THEMIS: variants seen among roughly 807,000 people sequenced by gnomAD.
THEMIS encodes thymocyte selection associated.
THEMIS carries 37 observed loss-of-function variants against 52.6 expected under a neutral mutation model. The observed-to-expected ratio is 0.70, with a 90% CI of 0.54 to 0.93. The LOEUF is 0.93. Ranked by LOEUF, THEMIS falls within the 40% of genes least tolerant of loss-of-function variation. The probability of loss-of-function intolerance (pLI) is 0.00; values close to 1 mark genes in which losing one functional copy is unlikely to be tolerated. For synonymous variants in THEMIS, 292 were observed against 272.7 expected (o/e 1.07, Z -0.70); for missense variants, 808 against 763.1 (o/e 1.06, Z -0.69).
chr6:127,784,205 G>A (rs747574050), intron 4 of THEMIS, among the ~76,000 whole-genome samples: 1 of 152,122 alleles, frequency 6.6e-6, no homozygotes, highest in Non-Finnish European at 1.5e-5. Context: ...ATGGACAGAC[G>A]GAGGGGAACA....
At chr6:127,864,293 T>C (rs1287569806) in intron 1 of THEMIS, among the ~76,000 whole-genome samples, 3 of 152,124 alleles carry the variant, frequency 2.0e-5, no homozygotes, top group South Asian at 4.2e-4. Flanking sequence ...TAAAGCATAC[T>C]GTGTTTTACT....
chr6:127,878,172 G>A (rs554828446), intron 1 of THEMIS, among the ~76,000 whole-genome samples: 1 of 152,116 alleles, frequency 6.6e-6, no homozygotes, highest in Non-Finnish European at 1.5e-5. Flanking sequence ...TTCATTAGTT[G>A]CAAATATAAC....
intron 4 of THEMIS, among the ~76,000 whole-genome samples, chr6:127,735,335 GTC>G (rs1195457331): frequency 6.6e-6 from 1 of 151,962 alleles, no homozygotes; most frequent in African/African-American, 2.4e-5. Flanking sequence ...GTGTGTGTGT[GTC>G]TGTGTGTGTA....
intron 1 of THEMIS, chr6:127,868,403 G>A: frequency 2.0e-6 from 2 of 984,076 alleles, no homozygotes; most frequent in Non-Finnish European, 2.4e-6. Context: ...ATATTTCTGA[G>A]GAAAAGAAAA....
intron 1 of THEMIS, among the ~76,000 whole-genome samples, chr6:127,872,003 TAAAC>T (rs1349247710): frequency 3.3e-5 from 5 of 150,486 alleles, no homozygotes; most frequent in Admixed American, 1.3e-4. Context: ...ATCAAAAAAA[TAAAC>T]AAATAAATAA....
chr6:127,760,666 C>G (rs999677968), intron 4 of THEMIS, among the ~76,000 whole-genome samples: 1 of 151,988 alleles, frequency 6.6e-6, no homozygotes, highest in Admixed American at 6.6e-5. Context: ...TCTCTAGGTA[C>G]TAGAGTGGCT....
chr6:127,892,590 C>T (rs1258298065), intron 1 of THEMIS, among the ~76,000 whole-genome samples: 4 of 152,106 alleles, frequency 2.6e-5, no homozygotes, highest in Non-Finnish European at 5.9e-5. Flanking sequence ...CTATTCCATT[C>T]TAGGCTCGCT....
chr6:127,857,860 G>A (rs1779669724), intron 1 of THEMIS, among the ~76,000 whole-genome samples: 1 of 152,064 alleles, frequency 6.6e-6, no homozygotes, highest in Non-Finnish European at 1.5e-5. Flanking sequence ...GGGAAAATGT[G>A]TTAAGCAGAG....
the THEMIS span, among the ~76,000 whole-genome samples, chr6:127,699,787 A>G: frequency 1.3e-5 from 2 of 152,028 alleles, no homozygotes; most frequent in East Asian, 1.9e-4. Flanking sequence ...CTTTACAACC[A>G]TGCCTCCTCA....
chr6:127,767,520 T>C (rs2114419420), intron 4 of THEMIS, among the ~76,000 whole-genome samples: 1 of 152,290 alleles, frequency 6.6e-6, no homozygotes, highest in East Asian at 1.9e-4. Flanking sequence ...CACAGGGTCA[T>C]GGTCATCAAC....
At chr6:127,710,251 T>C (rs1400577965) in intron 5 of THEMIS, among the ~76,000 whole-genome samples, 1 of 151,984 alleles carries the variant, frequency 6.6e-6, no homozygotes, top group Non-Finnish European at 1.5e-5. Context: ...AGATAATAGC[T>C]TACATGTATA....
intron 3 of THEMIS, among the ~76,000 whole-genome samples, chr6:127,815,073 C>G (rs1583308895): frequency 6.6e-6 from 1 of 151,968 alleles, no homozygotes; most frequent in Admixed American, 6.6e-5. Flanking sequence ...ATCGCTTGAG[C>G]CTGAGAAGCA....
chr6:127,852,165 A>G, intron 2 of THEMIS, among the ~76,000 whole-genome samples: 1 of 151,604 alleles, frequency 6.6e-6, no homozygotes, highest in Non-Finnish European at 1.5e-5. Context: ...ATATAATGAT[A>G]AAAGGGTCAC....
the THEMIS span, among the ~76,000 whole-genome samples, chr6:127,696,953 T>C: frequency 1.3e-5 from 2 of 152,054 alleles, no homozygotes; most frequent in Admixed American, 6.6e-5. Flanking sequence ...GGCTTCAATA[T>C]ATGATTTTGG....
At chr6:127,888,000 T>A (rs890010057) in intron 1 of THEMIS, among the ~76,000 whole-genome samples, 4 of 150,080 alleles carry the variant, frequency 2.7e-5, no homozygotes, top group African/African-American at 2.5e-5. Context: ...GAAAGGGGAG[T>A]AGAAAAATTG....
intron 1 of THEMIS, among the ~76,000 whole-genome samples, chr6:127,889,661 G>A (rs1375691605): frequency 6.6e-6 from 1 of 151,704 alleles, no homozygotes; most frequent in Non-Finnish European, 1.5e-5. Flanking sequence ...TTTCAAGGTT[G>A]CTAGTATTTA....
intron 4 of THEMIS, among the ~76,000 whole-genome samples, chr6:127,755,074 A>C (rs1775775298): frequency 6.6e-6 from 1 of 152,074 alleles, no homozygotes; most frequent in Admixed American, 6.5e-5. Context: ...TAAATTCTTT[A>C]AATAAAAATC....
intron 4 of THEMIS, among the ~76,000 whole-genome samples, chr6:127,755,590 G>A (rs1775794650): frequency 6.6e-6 from 1 of 152,074 alleles, no homozygotes; most frequent in Admixed American, 6.5e-5. Context: ...AGTAACAGTA[G>A]AAAAGAGCAA....
At chr6:127,738,296 T>C (rs1775076953) in intron 4 of THEMIS, among the ~76,000 whole-genome samples, 1 of 152,096 alleles carries the variant, frequency 6.6e-6, no homozygotes, top group South Asian at 2.1e-4. Flanking sequence ...TGCCAAATAA[T>C]GTAGCATATG....
Sources: allele counts gnomAD v4.1 joint callset (sites outside exome capture counted in the v4.1 genomes callset), GRCh38; gene constraint gnomAD v4.1.1; transcripts MANE v1.5; gene names NCBI Gene and HGNC (gene_info 2026-07-23, HGNC 2026-07-21).